Variants in RYR3 observed in about 807,000 individuals in gnomAD.
RYR3 encodes brain ryanodine receptor-calcium release channel.
RYR3 carries 207 observed loss-of-function variants against 584.3 expected under a neutral mutation model. That is an observed-to-expected ratio of 0.35 (90% CI 0.32 to 0.40). The LOEUF (loss-of-function observed/expected upper bound fraction) is 0.40, where lower values mean the gene tolerates loss of function less well. Among genes scored for constraint, RYR3 ranks in the 10% least tolerant of loss-of-function variants. The probability of loss-of-function intolerance (pLI) is 1.00; values close to 1 mark genes in which losing one functional copy is unlikely to be tolerated. For missense variants in RYR3, 5,616 were observed against 6,089.2 expected (o/e 0.92, Z 2.59); for synonymous variants, 2,416 against 2,248.5 (o/e 1.07, Z -2.11).
In RYR3 at chr15:33,503,631, T is replaced by C; in HGVS notation, c.172T>C (p.Tyr58His). ...CCTCATTCTGATTTTATTTCCACAG[T>C]ACATTCCTCCAGATCTCTGCGTCTG... is the stretch of plus-strand genomic sequence containing the variant. The part of the protein sequence containing the change: ...CFLEPTSEAK[Y>H]IPPDLCVCNF... The change falls in exon 3 of 104, where the codon TAC becomes CAC. Residue 58 changes from tyrosine to histidine, a missense_variant and splice_region_variant. By Grantham distance (83) the Tyr-to-His change is moderately conservative. Around this residue, in one of 9 missense-constraint regions of RYR3, gnomAD observed 1,284 missense variants for 1,344.6 expected, o/e 0.95. Coordinates refer to ENST00000634891, the MANE Select transcript of RYR3 (RefSeq NM_001036.6). The C allele has an allele frequency of 6.3e-7, 1 of 1,587,730 alleles. No individual in the cohort carries two copies. The highest frequency in any genetic ancestry group is 8.6e-7 in the Non-Finnish European group (1 of 1,157,968).
chr15:33,847,312 C>A (rs933272935), intron 93 of RYR3: 1 of 152,228 alleles, frequency 6.6e-6, no homozygotes, highest in Non-Finnish European at 1.5e-5. Context: ...AAATCACTGT[C>A]TGAATTTTGT....
intron 94 of RYR3, chr15:33,850,430 GATA>G (rs2079022404): frequency 1.3e-5 from 2 of 150,462 alleles, no homozygotes; most frequent in South Asian, 4.2e-4. Context: ...ATCCTAAGGA[GATA>G]ATGAGACAAG....
chr15:33,320,503 A>G (rs1160261545), intron 1 of RYR3, among the ~76,000 whole-genome samples: 1 of 152,222 alleles, frequency 6.6e-6, no homozygotes, highest in East Asian at 1.9e-4. Flanking sequence ...GTTGTTTTTG[A>G]CAGCTCAGGG....
At chr15:33,316,104 G>A (rs964025585) in intron 1 of RYR3, among the ~76,000 whole-genome samples, 25 of 151,848 alleles carry the variant, frequency 1.6e-4, no homozygotes, top group Admixed American at 4.6e-4. Context: ...GGGTTGATCT[G>A]AGGGCAAAAA....
intron 10 of RYR3, among the ~76,000 whole-genome samples, chr15:33,556,016 C>A (rs892236891): frequency 2.4e-5 from 3 of 125,360 alleles, no homozygotes; most frequent in Admixed American, 8.7e-5. Flanking sequence ...GGTGATTCCT[C>A]AAGGTTTCTC....
chr15:33,439,246 G>T (rs1305752334), intron 1 of RYR3, among the ~76,000 whole-genome samples: 4 of 152,098 alleles, frequency 2.6e-5, no homozygotes, highest in African/African-American at 7.2e-5. Context: ...TTCTATAAAA[G>T]AAATTGTATA....
chr15:33,705,136 A>C (rs1690934914), intron 42 of RYR3, among the ~76,000 whole-genome samples: 1 of 95,744 alleles, frequency 1.0e-5, no homozygotes, highest in African/African-American at 4.4e-5. Context: ...TCTCTCTCTC[A>C]TATGGGCAAT....
intron 85 of RYR3, among the ~76,000 whole-genome samples, chr15:33,829,710 C>A (rs576219851): frequency 1.3e-5 from 2 of 151,270 alleles, no homozygotes; most frequent in African/African-American, 4.9e-5. Flanking sequence ...CCAGATTGCG[C>A]CGCTGCACTC....
At chr15:33,778,971 C>A (rs986280574) in intron 64 of RYR3, among the ~76,000 whole-genome samples, 2 of 152,156 alleles carry the variant, frequency 1.3e-5, no homozygotes, top group African/African-American at 4.8e-5. Context: ...TATTAACTTC[C>A]CCTTATAGTA....
rs1470504979 is a variant in RYR3 at position 33,748,261 on chromosome 15, G to C, written c.8136+1G>C. On this transcript the variant is annotated splice_donor_variant, in intron 54 of 103. Transcript: ENST00000634891. LOFTEE classifies it high-confidence loss of function. ...TCGAAGTGTGTCCCAGGCCAACCAG[G>C]TATGACACCACACCCAGAGGCCCAC... The C allele has an allele frequency of 6.2e-7, 1 of 1,613,646 alleles. No individual in the cohort carries two copies. The highest frequency in any genetic ancestry group is 1.1e-5 in the South Asian group (1 of 91,024).
intron 1 of RYR3, among the ~76,000 whole-genome samples, chr15:33,432,708 G>A (rs558283329): frequency 1.2e-4 from 17 of 139,632 alleles, no homozygotes; most frequent in Admixed American, 1.1e-3. Context: ...TTAAAGTAGA[G>A]ATGGGGTTTC....
chr15:33,459,485 G>A (rs569981393), intron 1 of RYR3, among the ~76,000 whole-genome samples: 11 of 152,266 alleles, frequency 7.2e-5, no homozygotes, highest in African/African-American at 2.4e-4. Flanking sequence ...CGGGAAAGCT[G>A]TGCTTTCTGG....
chr15:33,608,897 A>G (rs2060035815), intron 18 of RYR3, among the ~76,000 whole-genome samples: 1 of 152,190 alleles, frequency 6.6e-6, no homozygotes, highest in African/African-American at 2.4e-5. Flanking sequence ...GACGGGGGAA[A>G]TTCTCCCAGC....
intron 10 of RYR3, among the ~76,000 whole-genome samples, chr15:33,561,976 A>T (rs2057431770): frequency 6.6e-6 from 1 of 152,158 alleles, no homozygotes; most frequent in Non-Finnish European, 1.5e-5. Context: ...GAAAGTTCAA[A>T]TTGCTGCCTG....
chr15:33,641,196 C>T (rs2061804975), intron 27 of RYR3, among the ~76,000 whole-genome samples: 1 of 152,202 alleles, frequency 6.6e-6, no homozygotes, highest in Admixed American at 6.5e-5. Context: ...AATTAGAAAG[C>T]AGGCATCCTG....
intron 16 of RYR3, among the ~76,000 whole-genome samples, chr15:33,593,515 A>G (rs1029272187): frequency 1.3e-5 from 2 of 152,180 alleles, no homozygotes; most frequent in African/African-American, 2.4e-5. Context: ...AAGTCCATAC[A>G]TTAGTAGGCA....
rs541733539 is a variant in RYR3, at chr15:33,772,178, G to T, written c.9055+20G>T. On this transcript the variant is annotated intron_variant, in intron 63 of 103. Transcript: ENST00000634891. ...TACTCTGTGAGTTCTACTGGTATTT[G>T]TCGTGGATGTATGTGCACATGGCCC... 1.0e-5 allele frequency: 16 copies of T among 1,530,124 alleles called. No homozygotes were observed. In the East Asian group the frequency reaches 3.2e-4, roughly 30 times the overall value. 94.8% of individuals were successfully genotyped at this position (1,530,124 alleles called of 1,614,324 possible).
intron 1 of RYR3, among the ~76,000 whole-genome samples, chr15:33,336,475 A>AAG (rs1567046956): frequency 2.4e-5 from 1 of 42,314 alleles, no homozygotes; most frequent in Non-Finnish European, 4.1e-5. Context: ...AGAGAGAGAG[A>AAG]GAGAGAGAGA....
intron 67 of RYR3, among the ~76,000 whole-genome samples, chr15:33,796,675 C>T (rs2075646885): frequency 6.6e-6 from 1 of 152,140 alleles, no homozygotes; most frequent in Admixed American, 6.5e-5. Context: ...ATACAACCTC[C>T]CTGGAAAACA....
Sources: allele counts gnomAD v4.1 joint callset (sites outside exome capture counted in the v4.1 genomes callset), GRCh38; gene constraint gnomAD v4.1.1; regional missense constraint gnomAD v4.1.1; transcripts MANE v1.5; gene names NCBI Gene and HGNC (gene_info 2026-07-23, HGNC 2026-07-21).